Variants in PARD3B observed in about 807,000 individuals in gnomAD.
PARD3B encodes the protein partitioning defective 3 homolog B.
PARD3B carries 103 observed loss-of-function variants against 130.2 expected under a neutral mutation model. The ratio of observed to expected loss-of-function variants is 0.79; its 90% confidence interval spans 0.67 to 0.93. The LOEUF (loss-of-function observed/expected upper bound fraction) is 0.93. Ranked by LOEUF, PARD3B falls within the 40% of genes least tolerant of loss-of-function variation. PARD3B has a pLI of 0.00. For synonymous variants in PARD3B, 583 were observed against 553.2 expected, an observed-to-expected ratio of 1.05 and a Z score of -0.76; for missense variants, 1,609 against 1,499.2, an observed-to-expected ratio of 1.07 and a Z score of -1.21.
chr2:204,606,635 A>T lies in PARD3B; in HGVS notation c.120+60516A>T, dbSNP rs1234127481. Among the ~76,000 whole-genome samples the T allele has an allele frequency of 2.0e-5, 3 of 152,154 alleles. No individual in the cohort carries two copies. The highest frequency in any genetic ancestry group is 4.1e-4 in the South Asian group (2 of 4,832). On this transcript the variant is annotated intron_variant, in intron 1 of 22. Transcript: ENST00000406610. The surrounding 1 kb of genome is among the most constrained non-coding windows in gnomAD (Gnocchi z 4.0). ...TGTGCTCAGAATAGGAGAATCAACC[A>T]TTTATGAAGAAGCTCCAGTGGCTAC...
At chr2:204,613,417 G>A (rs934732820) in intron 1 of PARD3B, among the ~76,000 whole-genome samples, 13 of 152,126 alleles carry the variant, frequency 8.5e-5, no homozygotes, top group African/African-American at 1.2e-4. Flanking sequence ...TTATTGTCCT[G>A]TGCACTTTGA....
At chr2:204,832,228 A>AAAAC (rs747167915) in intron 2 of PARD3B, among the ~76,000 whole-genome samples, 1 of 152,166 alleles carries the variant, frequency 6.6e-6, no homozygotes, top group Non-Finnish European at 1.5e-5. Context: ...TCTGTCTCAA[A>AAAAC]AAACAAACAA....
At chr2:205,298,391 C>T (rs1358873960) in intron 16 of PARD3B, among the ~76,000 whole-genome samples, 1 of 152,094 alleles carries the variant, frequency 6.6e-6, no homozygotes, top group Non-Finnish European at 1.5e-5. Flanking sequence ...TATCTTCCTT[C>T]CTGGGAATAT....
rs542806144 is a variant in PARD3B, at chr2:205,293,227, A to G, written c.2186-7303A>G. ...GAAATCAATCAAACATTGACCTTTTATGTTATGCTAATGGTTTTTGAGGAA... is the reference window on the plus strand; with the variant it reads ...GAAATCAATCAAACATTGACCTTTTGTGTTATGCTAATGGTTTTTGAGGAA... On this transcript the variant is annotated intron_variant, in intron 16 of 22. Transcript: ENST00000406610. 3.3e-5 allele frequency among the ~76,000 whole-genome samples: 5 copies of G among 152,326 alleles called. No homozygotes were observed. The South Asian group carries it at 1.0e-3, about 32-fold the overall frequency.
At chr2:205,257,291 G>A (rs1259681286) in intron 16 of PARD3B, among the ~76,000 whole-genome samples, 2 of 150,560 alleles carry the variant, frequency 1.3e-5, no homozygotes, top group Non-Finnish European at 2.9e-5. Context: ...GCCATTCAAA[G>A]TTACCTTTTG....
At chr2:205,190,686 T>G (rs577309958) in intron 14 of PARD3B, among the ~76,000 whole-genome samples, 1 of 152,288 alleles carries the variant, frequency 6.6e-6, no homozygotes, top group East Asian at 1.9e-4. Context: ...TGAGGTGACC[T>G]TTAATCCCTT....
intron 2 of PARD3B, among the ~76,000 whole-genome samples, chr2:204,801,700 T>C (rs933607681): frequency 2.0e-5 from 3 of 152,194 alleles, no homozygotes; most frequent in Non-Finnish European, 4.4e-5. Flanking sequence ...CCTTTATTTC[T>C]TTCTCTTGCC....
At chr2:205,088,464 A>G (rs1701878503) in intron 4 of PARD3B, among the ~76,000 whole-genome samples, 1 of 152,144 alleles carries the variant, frequency 6.6e-6, no homozygotes, top group Admixed American at 6.6e-5. Context: ...GGGATGACTG[A>G]GTTGCTTTGA....
Position 205,591,518 on chromosome 2 carries a change from C to T in PARD3B, c.3261-23938C>T, listed in dbSNP as rs934216091. On this transcript the variant is annotated intron_variant, in intron 22 of 22. Transcript: ENST00000406610. This position sits in a 1 kb window ranked among gnomAD's most constrained non-coding sequence, Gnocchi z 4.2. ...CTTTCTCATTTAACCCTCCTAGCTA[C>T]TCAGTGGAAGCAAATAACCATTACT... Among the ~76,000 whole-genome samples the T allele has an allele frequency of 6.6e-6, 1 of 152,214 alleles. No homozygotes were observed. The highest frequency in any genetic ancestry group is 2.4e-5 in the African/African-American group (1 of 41,454).
At chr2:204,720,805 A>G (rs553161498) in intron 2 of PARD3B, among the ~76,000 whole-genome samples, 2 of 152,096 alleles carry the variant, frequency 1.3e-5, no homozygotes, top group African/African-American at 2.4e-5. Flanking sequence ...TGGAATGTTT[A>G]TTTCTTTCTC....
At chr2:204,837,058 T>C (rs2044063209) in intron 2 of PARD3B, among the ~76,000 whole-genome samples, 1 of 152,202 alleles carries the variant, frequency 6.6e-6, no homozygotes, top group Non-Finnish European at 1.5e-5. Flanking sequence ...ATAGTTCACC[T>C]TCGGTAACAT....
chr2:204,849,877 A>G (rs1029810061), intron 2 of PARD3B, among the ~76,000 whole-genome samples: 8 of 152,226 alleles, frequency 5.3e-5, no homozygotes, highest in Admixed American at 5.2e-4. Context: ...AAGGATAAGT[A>G]AATTGTCATT....
At chr2:205,163,995 A>G (rs960865780) in intron 11 of PARD3B, among the ~76,000 whole-genome samples, 1 of 152,216 alleles carries the variant, frequency 6.6e-6, no homozygotes, top group Non-Finnish European at 1.5e-5. Flanking sequence ...TCAAAATGCT[A>G]TTGAAACTCC....
At chr2:205,587,719 A>C (rs2054247856) in intron 22 of PARD3B, among the ~76,000 whole-genome samples, 1 of 152,030 alleles carries the variant, frequency 6.6e-6, no homozygotes, top group South Asian at 2.1e-4. Context: ...TCTACCACGA[A>C]CTCTACCCCT....
intron 2 of PARD3B, among the ~76,000 whole-genome samples, chr2:204,764,012 G>A (rs1267669395): frequency 1.3e-5 from 2 of 152,242 alleles, no homozygotes; most frequent in South Asian, 2.1e-4. Context: ...CTCATTGCCT[G>A]AGGTATACCC....
At chr2:205,004,621 A>G (rs140069245) in intron 3 of PARD3B, among the ~76,000 whole-genome samples, 27 of 152,344 alleles carry the variant, frequency 1.8e-4, no homozygotes, top group African/African-American at 6.5e-4. Flanking sequence ...ATGTATGTCC[A>G]TTGTGAAAAA....
chr2:204,673,320 G>A lies in PARD3B; in HGVS notation c.121-12861G>A, dbSNP rs1389790408. ...ACCTTTAAACATATTTAATGCTGAT[G>A]TAAAAAGTAGTAGAATTTTATTTCA... On this transcript the variant is annotated intron_variant, in intron 1 of 22. Transcript: ENST00000406610. This position sits in a 1 kb window ranked among gnomAD's most constrained non-coding sequence, Gnocchi z 4.7. Among the ~76,000 whole-genome samples the A allele has an allele frequency of 1.3e-5, 2 of 152,144 alleles. No homozygotes were observed. The highest frequency in any genetic ancestry group is 2.9e-5 in the Non-Finnish European group (2 of 68,026).
chr2:205,519,729 G>A (rs2050954140), intron 21 of PARD3B, among the ~76,000 whole-genome samples: 1 of 152,172 alleles, frequency 6.6e-6, no homozygotes, highest in Non-Finnish European at 1.5e-5. Context: ...TTACTGCAGT[G>A]TAGATTGAGT....
chr2:204,744,969 G>A (rs1236433228), intron 2 of PARD3B, among the ~76,000 whole-genome samples: 1 of 152,164 alleles, frequency 6.6e-6, no homozygotes, highest in Non-Finnish European at 1.5e-5. Flanking sequence ...ATTGAAAAAA[G>A]ATAGTTGACA....
Sources: gnomAD v4.1 joint callset for allele counts (sites outside exome capture counted in the v4.1 genomes callset) on GRCh38, gnomAD v4.1.1 for gene constraint, Gnocchi (gnomAD v3.1) non-coding constraint, MANE v1.5 for transcripts, NCBI Gene and HGNC (gene_info 2026-07-23, HGNC 2026-07-21) for gene names.